Variants in TLN2 observed in about 807,000 individuals in gnomAD.
The protein encoded by TLN2 is talin 2.
In TLN2, 118 loss-of-function variants were observed where a neutral mutation model predicts 294.7. That is an observed-to-expected ratio of 0.40 (90% CI 0.34 to 0.47). The LOEUF (loss-of-function observed/expected upper bound fraction) is 0.47. Among genes scored for constraint, TLN2 ranks in the 20% least tolerant of loss-of-function variants. The pLI, the probability that TLN2 is intolerant of heterozygous loss-of-function variation, is 0.84. For missense variants in TLN2, 3,083 were observed against 3,282.2 expected, an observed-to-expected ratio of 0.94 and a Z score of 1.48; for synonymous variants, 1,431 against 1,304.5, an observed-to-expected ratio of 1.10 and a Z score of -2.09.
At chr15:62,664,509 C>G (rs4775523) in intron 9 of TLN2, among the ~76,000 whole-genome samples, 137,219 of 151,940 alleles carry the variant, frequency 0.9, 63,614 homozygotes, top group Non-Finnish European at 1. Context: ...ATGTATTATT[C>G]TTTATAGACA....
chr15:62,408,235 G>T (rs1412971517), intron 1 of TLN2, among the ~76,000 whole-genome samples: 1 of 152,120 alleles, frequency 6.6e-6, no homozygotes, highest in Non-Finnish European at 1.5e-5. Context: ...ATCAAAACAA[G>T]GCAAGAAAAA....
intron 52 of TLN2, among the ~76,000 whole-genome samples, chr15:62,815,175 TGTCACACACACA>T (rs974936226): frequency 1.9e-5 from 1 of 51,578 alleles, no homozygotes; most frequent in Non-Finnish European, 6.0e-5. Flanking sequence ...TTATTCTGTC[TGTCACACACACA>T]CACACACACA....
At chr15:62,421,491 G>A (rs1421918596) in intron 1 of TLN2, among the ~76,000 whole-genome samples, 1 of 152,134 alleles carries the variant, frequency 6.6e-6, no homozygotes, top group East Asian at 1.9e-4. Flanking sequence ...ATACTATACA[G>A]CCATAAAAAA....
At chr15:62,732,434 A>C (rs1567481658) in intron 28 of TLN2, among the ~76,000 whole-genome samples, 1 of 152,232 alleles carries the variant, frequency 6.6e-6, no homozygotes, top group Non-Finnish European at 1.5e-5. Context: ...TGGTGAAAGT[A>C]ATAGGCAAAG....
intron 50 of TLN2, among the ~76,000 whole-genome samples, chr15:62,804,591 C>A (rs1438528696): frequency 3.9e-5 from 6 of 152,112 alleles, no homozygotes; most frequent in Admixed American, 3.3e-4. Context: ...TCACCCAGAT[C>A]GTGGGTTTCC....
chr15:62,618,503 C>A (rs571376487), intron 3 of TLN2, 28 bp downstream of exon 3: 17 of 152,296 alleles, frequency 1.1e-4, no homozygotes, highest in African/African-American at 3.9e-4. Flanking sequence ...TAAAGGTCTT[C>A]TGCGTGTGTT....
At chr15:62,482,998 G>A (rs1198372330) in intron 1 of TLN2, among the ~76,000 whole-genome samples, 1 of 152,192 alleles carries the variant, frequency 6.6e-6, no homozygotes, top group Non-Finnish European at 1.5e-5. Flanking sequence ...GCAAAGATGG[G>A]TGTCAGTGAG....
chr15:62,454,045 C>T (rs2036317801), intron 1 of TLN2, among the ~76,000 whole-genome samples: 1 of 152,094 alleles, frequency 6.6e-6, no homozygotes, highest in African/African-American at 2.4e-5. Flanking sequence ...CTGCAAGGGC[C>T]CCTGTGGCTC....
intron 11 of TLN2, among the ~76,000 whole-genome samples, chr15:62,686,324 C>A (rs1057377862): frequency 3.9e-5 from 6 of 152,172 alleles, no homozygotes; most frequent in African/African-American, 1.4e-4. Flanking sequence ...CTGGAATTCA[C>A]CTTTGCTTGT....
intron 58 of TLN2, among the ~76,000 whole-genome samples, chr15:62,839,941 C>T (rs2070415376): frequency 1.3e-5 from 2 of 152,200 alleles, no homozygotes; most frequent in South Asian, 4.1e-4. Flanking sequence ...TTGAACACAA[C>T]TTTCCCTTTC....
At chr15:62,738,853 G>C (rs527850600) in intron 30 of TLN2, among the ~76,000 whole-genome samples, 1 of 152,292 alleles carries the variant, frequency 6.6e-6, no homozygotes, top group South Asian at 2.1e-4. Context: ...TTCACAAATG[G>C]TTATCAGTCT....
intron 3 of TLN2, among the ~76,000 whole-genome samples, chr15:62,632,481 C>T (rs1328875003): frequency 2.6e-5 from 4 of 152,160 alleles, no homozygotes; most frequent in Non-Finnish European, 5.9e-5. Context: ...ACTGTCCTCC[C>T]CGAGCCCTGT....
chr15:62,609,303 C>T (rs897919055), intron 2 of TLN2, among the ~76,000 whole-genome samples: 1 of 152,164 alleles, frequency 6.6e-6, no homozygotes, highest in Non-Finnish European at 1.5e-5. Context: ...ACAGGTATTT[C>T]CTACAAAAGG....
intron 3 of TLN2, 70 bp from the exon 4 acceptor site, chr15:62,647,205 T>C: frequency 6.3e-6 from 9 of 1,426,848 alleles, no homozygotes; most frequent in South Asian, 1.4e-5. Context: ...TCCAGCACTT[T>C]TTTTGTTTTT....
chr15:62,740,507 TG>T, intron 31 of TLN2, 122 bp from the exon 32 acceptor site: 3 of 1,308,208 alleles, frequency 2.3e-6, no homozygotes, highest in South Asian at 2.9e-5. Flanking sequence ...GCGGGCTAAC[TG>T]GGTTTAATGT....
intron 5 of TLN2, 68 bp downstream of exon 5, chr15:62,650,249 C>T (rs2052434442): frequency 1.3e-6 from 2 of 1,489,726 alleles, no homozygotes; most frequent in African/African-American, 2.8e-5. Flanking sequence ...TAGACGCCAA[C>T]ACGGTTACGC....
chr15:62,696,657 G>C (rs1011028494), intron 14 of TLN2, among the ~76,000 whole-genome samples: 1 of 152,132 alleles, frequency 6.6e-6, no homozygotes, highest in African/African-American at 2.4e-5. Flanking sequence ...GCAGTGAGCC[G>C]AGATCACGCC....
At chr15:62,466,512 A>G (rs2037144649) in intron 1 of TLN2, among the ~76,000 whole-genome samples, 1 of 152,244 alleles carries the variant, frequency 6.6e-6, no homozygotes. Flanking sequence ...GTCTCCAGAC[A>G]TTGCCAAATG....
chr15:62,437,385 G>A (rs1005825931), intron 1 of TLN2, among the ~76,000 whole-genome samples: 1 of 151,884 alleles, frequency 6.6e-6, no homozygotes, highest in East Asian at 1.9e-4. Context: ...AGCTAGCTGG[G>A]ACTATAAGTG....
Sources: gnomAD v4.1 joint callset for allele counts (sites outside exome capture counted in the v4.1 genomes callset) on GRCh38, gnomAD v4.1.1 for gene constraint, MANE v1.5 for transcripts, NCBI Gene and HGNC (gene_info 2026-07-23, HGNC 2026-07-21) for gene names.